The following DEFB134 variants were observed in gnomAD, a reference collection of about 807,000 sequenced individuals.
DEFB134 encodes beta-defensin 134.
In DEFB134, 7 loss-of-function variants were observed where a neutral mutation model predicts 7.4. The ratio of observed to expected loss-of-function variants is 0.95; its 90% CI spans 0.54 to 1.79. The LOEUF (loss-of-function observed/expected upper bound fraction) is 1.79, where lower values mean the gene tolerates loss of function less well. DEFB134 is among the 40% of genes most tolerant of loss of function. The pLI, the probability that DEFB134 is intolerant of heterozygous loss-of-function variation, is 0.00. For synonymous variants in DEFB134, 33 were observed against 25.0 expected (o/e 1.32, Z -0.96); for missense variants, 105 against 74.8 (o/e 1.40, Z -1.49).
rs748887088 is a variant in DEFB134, at chr8:11,993,983, G to C, written c.198C>G (p.Pro66=). Residue 66 remains proline (P), a synonymous_variant, in exon 2 of 2, where the codon CCC becomes CCG. Transcript: ENST00000526438. ...GGCCATTCATTGGTTTCTTATGTCA[G>C]GGTGCAGGATTTCCTTTGACACAGC... The C allele has an allele frequency of 1.0e-4, 163 of 1,612,068 alleles. 4 individuals carry two copies. The Admixed American group carries it at 2.7e-3, about 26-fold the overall frequency.
intron 1 of DEFB134, among the ~76,000 whole-genome samples, chr8:11,995,249 C>T (rs770070447): frequency 5.9e-5 from 9 of 152,216 alleles, no homozygotes; most frequent in Non-Finnish European, 1.3e-4. Context: ...CTGGAGGCCA[C>T]AAATCCATTG....
rs375079154 is a variant in DEFB134 at position 11,994,058 on chromosome 8, T to C, written c.123A>G (p.Glu41=). The change falls in exon 2 of 2, where the codon GAA becomes GAG. Residue 41 remains glutamate, a synonymous_variant. Transcript: ENST00000526438. ...CAACTAACATTTCACTCTCATAGCA[T>C]TCAAGTCTGCAGATGCCATTTTTAT... The C allele has an allele frequency of 1.3e-5, 21 of 1,613,842 alleles. No homozygotes were observed. In the African/African-American group the frequency reaches 2.5e-4, roughly 19 times the overall value.
chr8:11,993,669 C>G (rs527245627), exon 2 of DEFB134: 21 of 235,800 alleles, frequency 8.9e-5, no homozygotes, highest in African/African-American at 2.5e-4. Context: ...TCCCTTGAAG[C>G]CTTTCTAAAT....
upstream of DEFB134, among the ~76,000 whole-genome samples, chr8:11,997,812 T>C (rs1359835314): frequency 6.6e-6 from 1 of 152,158 alleles, no homozygotes; most frequent in East Asian, 1.9e-4. Context: ...AGCAGATACT[T>C]GAGGCAGAAA....
At chr8:11,999,860 T>A (rs1800225707), upstream of DEFB134, among the ~76,000 whole-genome samples, 1 of 152,212 alleles carries the variant, frequency 6.6e-6, no homozygotes, top group South Asian at 2.1e-4. Flanking sequence ...CTTTTTCTTT[T>A]CATCCATATA....
At position 11,996,272 on chromosome 8, in the gene DEFB134, G is replaced by A. The variant is rs375887606; in HGVS notation, c.-21C>T. On this transcript the variant is annotated 5_prime_UTR_variant, in exon 1 of 2. Coordinates refer to ENST00000526438, the Ensembl canonical transcript of DEFB134. ...TTCATGGCTGGGAACTTCTGTTAAG[G>A]AGGCTAGTGGCAGGGTCTGACATCG... 92 of 1,613,404 alleles carry A rather than the reference G, an allele frequency of 5.7e-5. No homozygotes were observed. The African/African-American group carries it at 1.1e-3, about 20-fold the overall frequency.
chr8:11,993,390 A>C (rs1340324592), exon 2 of DEFB134: 1 of 152,218 alleles, frequency 6.6e-6, no homozygotes, highest in East Asian at 1.9e-4. Flanking sequence ...TCCATTGCTC[A>C]ACTGAAACTA....
At chr8:12,000,170 G>A (rs1258116427), upstream of DEFB134, among the ~76,000 whole-genome samples, 2 of 152,214 alleles carry the variant, frequency 1.3e-5, no homozygotes, top group Non-Finnish European at 2.9e-5. Context: ...GAAGGAAGCA[G>A]CTTCTGTATC....
upstream of DEFB134, chr8:11,996,313 A>T: frequency 6.3e-7 from 1 of 1,588,944 alleles, no homozygotes; most frequent in South Asian, 1.1e-5. Flanking sequence ...CAGGGAACAG[A>T]GAGAAGAGGT....
chr8:12,000,582 A>G (rs1159056942), upstream of DEFB134, among the ~76,000 whole-genome samples: 1 of 152,202 alleles, frequency 6.6e-6, no homozygotes, highest in African/African-American at 2.4e-5. Flanking sequence ...AGTTAAATTT[A>G]TAAATTTGGC....
chr8:12,000,538 G>C (rs1800242828), upstream of DEFB134, among the ~76,000 whole-genome samples: 2 of 152,142 alleles, frequency 1.3e-5, no homozygotes, highest in Non-Finnish European at 1.5e-5. Context: ...TATATATACA[G>C]TGCTTTTTTT....
chr8:11,999,959 C>T (rs1369944838), upstream of DEFB134, among the ~76,000 whole-genome samples: 5 of 152,284 alleles, frequency 3.3e-5, no homozygotes, highest in East Asian at 7.7e-4. Context: ...TTTCTTCTGC[C>T]TCCTGGGTTT....
chr8:11,998,630 A>G (rs1470254842), upstream of DEFB134, among the ~76,000 whole-genome samples: 1 of 152,122 alleles, frequency 6.6e-6, no homozygotes, highest in Non-Finnish European at 1.5e-5. Flanking sequence ...TCACACTTAG[A>G]AGAACTAAAA....
chr8:11,996,359 G>A, upstream of DEFB134: 1 of 1,267,550 alleles, frequency 7.9e-7, no homozygotes, highest in Non-Finnish European at 1.1e-6. Flanking sequence ...CTCAGGGCTG[G>A]GGTATGCCTC....
upstream of DEFB134, among the ~76,000 whole-genome samples, chr8:11,998,378 G>A (rs893897272): frequency 1.3e-5 from 2 of 151,890 alleles, no homozygotes; most frequent in Non-Finnish European, 2.9e-5. Context: ...TTGCGCCTAA[G>A]GGGTTGGGAC....
At chr8:11,997,328 G>A (rs561634030), upstream of DEFB134, among the ~76,000 whole-genome samples, 118 of 152,294 alleles carry the variant, frequency 7.7e-4, 1 homozygote, top group African/African-American at 2.7e-3. Flanking sequence ...ATTGATTGAT[G>A]TTTGATTATT....
intron 1 of DEFB134, among the ~76,000 whole-genome samples, chr8:11,994,560 A>C (rs1437036007): frequency 3.9e-5 from 6 of 152,232 alleles, no homozygotes; most frequent in Non-Finnish European, 7.3e-5. Context: ...GAGAAAATAA[A>C]GTTTGTCTAA....
At chr8:11,996,871 G>C (rs562830565), upstream of DEFB134, among the ~76,000 whole-genome samples, 499 of 152,120 alleles carry the variant, frequency 3.3e-3, 4 homozygotes, top group Middle Eastern at 0.014. Flanking sequence ...TTTTGTCAAG[G>C]TCATTTAAAA....
intron 1 of DEFB134, 102 bp from the exon 3 acceptor site, chr8:11,994,224 G>C (rs1800059606): frequency 7.2e-7 from 1 of 1,380,354 alleles, no homozygotes; most frequent in Non-Finnish European, 9.7e-7. Flanking sequence ...AAGGAGATTT[G>C]GTTATGATAA....
Sources: gnomAD v4.1 joint callset for allele counts (sites outside exome capture counted in the v4.1 genomes callset) on GRCh38, gnomAD v4.1.1 for gene constraint, MANE v1.5 for transcripts, NCBI Gene and HGNC (gene_info 2026-07-23, HGNC 2026-07-21) for gene names.